The following PITHD1 variants were observed in gnomAD, a reference collection of about 807,000 sequenced individuals.
PITHD1 encodes PITH domain-containing protein 1.
In PITHD1, 8 loss-of-function variants were observed where a neutral mutation model predicts 27.5. The ratio of observed to expected loss-of-function variants is 0.29; its 90% CI spans 0.17 to 0.52. The LOEUF (loss-of-function observed/expected upper bound fraction) is 0.52, where lower values mean the gene tolerates loss of function less well. Ranked by LOEUF, PITHD1 falls within the 20% of genes least tolerant of loss-of-function variation. The pLI, the probability that PITHD1 is intolerant of heterozygous loss-of-function variation, is 0.96. For synonymous variants in PITHD1, 118 were observed against 106.8 expected (o/e 1.10, Z -0.64); for missense variants, 233 against 283.9 (o/e 0.82, Z 1.29).
At position 23,787,395 on chromosome 1, in the gene PITHD1, A is replaced by C. The variant is rs975352400; in HGVS notation, c.*19A>C. 1 of 1,347,046 alleles carries C rather than the reference A, an allele frequency of 7.4e-7. No individual in the cohort carries two copies. The highest frequency in any genetic ancestry group is 1.7e-5 in the Admixed American group (1 of 58,888). The allele number at this position is 1,347,046 out of a possible 1,614,324, so 83.4% of individuals were successfully genotyped here. On this transcript the variant is annotated 3_prime_UTR_variant, in exon 6 of 6. Transcript: ENST00000246151. ...TTCCTAAGGGCTGGCCAAGGCTCCC[A>C]TAGAGGCGCTGTGTCAGTGAAGATG...
At chr1:23,783,383 A>G (rs182057589) in intron 3 of PITHD1, among the ~76,000 whole-genome samples, 19 of 108,790 alleles carry the variant, frequency 1.7e-4, no homozygotes, top group African/African-American at 6.4e-4. Flanking sequence ...ATATATGTGT[A>G]TATATACATA....
chr1:23,779,192 G>A (rs771882657), intron 1 of PITHD1, among the ~76,000 whole-genome samples: 4 of 152,162 alleles, frequency 2.6e-5, no homozygotes, highest in Non-Finnish European at 5.9e-5. Context: ...TCACACTTCA[G>A]AAGGCTCTTC....
intron 1 of PITHD1, 122 bp from the exon 2 acceptor site, chr1:23,779,316 A>G: frequency 1.3e-6 from 1 of 774,384 alleles, no homozygotes; most frequent in East Asian, 2.5e-5. Flanking sequence ...GTCTTGGAAA[A>G]CCAAGGGAGA....
At position 23,778,431 on chromosome 1, in the gene PITHD1, G is replaced by A; in HGVS notation, c.-85G>A. 1 of 979,370 alleles carries A rather than the reference G, an allele frequency of 1.0e-6. No individual in the cohort carries two copies. Among genetic ancestry groups the A allele is most frequent in the Non-Finnish European group, 1.3e-6 (1 of 759,780 alleles). 60.7% of individuals were successfully genotyped at this position (979,370 alleles called of 1,614,324 possible). A position where few individuals can be genotyped will look rare whatever the true frequency, so the allele number is the denominator to read the frequency against. Reference sequence around the variant, plus strand: ...CGCGGCGCGCTTAGTTGCCGGAGCTGAACGGCGCGGAGCTGGTCTGAGGCG... The same window carrying A: ...CGCGGCGCGCTTAGTTGCCGGAGCTAAACGGCGCGGAGCTGGTCTGAGGCG... On this transcript the variant is annotated 5_prime_UTR_variant, in exon 1 of 6. Coordinates refer to ENST00000246151, the MANE Select transcript of PITHD1 (RefSeq NM_020362.5).
chr1:23,781,454 C>G (rs1213970068), intron 3 of PITHD1, among the ~76,000 whole-genome samples: 1 of 123,968 alleles, frequency 8.1e-6, no homozygotes, highest in East Asian at 2.2e-4. Flanking sequence ...CAGAGTGAGA[C>G]TCTGTCTCAA....
intron 2 of PITHD1, 97 bp downstream of exon 2, chr1:23,779,578 C>T (rs1638565696): frequency 1.0e-6 from 1 of 972,390 alleles, no homozygotes; most frequent in East Asian, 2.4e-5. Flanking sequence ...ACATTTGCTT[C>T]TAGAAATGGG....
At position 23,778,445 on chromosome 1, in the gene PITHD1, T is replaced by TGGTCTGAGGCGAGCCGAGCC. The variant is rs1638541638; in HGVS notation, c.-69_-50dup. 2 of 1,055,306 alleles carry TGGTCTGAGGCGAGCCGAGCC rather than the reference T, an allele frequency of 1.9e-6. No individual in the cohort carries two copies. The highest frequency in any genetic ancestry group is 2.4e-6 in the Non-Finnish European group (2 of 828,182). 65.4% of individuals were successfully genotyped at this position (1,055,306 alleles called of 1,614,324 possible). A position where few individuals can be genotyped will look rare whatever the true frequency, so the allele number is the denominator to read the frequency against. On this transcript the variant is annotated 5_prime_UTR_variant, in exon 1 of 6. Transcript: ENST00000246151. Reference sequence around the variant, plus strand: ...TTGCCGGAGCTGAACGGCGCGGAGCTGGTCTGAGGCGAGCCGAGCCGAGCG... The same window carrying TGGTCTGAGGCGAGCCGAGCC: ...TTGCCGGAGCTGAACGGCGCGGAGCTGGTCTGAGGCGAGCCGAGCCGGTCTGAGGCGAGCCGAGCCGAGCG...
In PITHD1 at chr1:23,778,622, A is replaced by G. The variant is rs1638546826; in HGVS notation, c.107A>G (p.Asp36Gly). Reference protein sequence around the residue: ...GLAYGLYLRIDLERLQCLNES... With the variant: ...GLAYGLYLRIGLERLQCLNES... ...GCCTACGGCCTGTACCTGCGCATCGACCTGGAGCGGCTGCAATGCCTTAAC... is the reference window on the plus strand; with the variant it reads ...GCCTACGGCCTGTACCTGCGCATCGGCCTGGAGCGGCTGCAATGCCTTAAC... Residue 36 changes from aspartate (D) to glycine (G), a missense_variant, in exon 1 of 6, where the codon GAC (aspartate) becomes GGC (glycine). Transcript: ENST00000246151. The G allele has an allele frequency of 3.0e-6, 4 of 1,333,072 alleles. No individual in the cohort carries two copies. The South Asian group carries it at 8.1e-5, about 27-fold the overall frequency. 82.6% of individuals were successfully genotyped at this position (1,333,072 alleles called of 1,614,324 possible).
At chr1:23,779,678 G>T in intron 2 of PITHD1, 186 bp from the exon 3 acceptor site, 1 of 654,504 alleles carries the variant, frequency 1.5e-6, no homozygotes, top group South Asian at 1.8e-5. Flanking sequence ...CAATAACTGA[G>T]AAATTGAGGT....
intron 4 of PITHD1, 122 bp from the exon 5 acceptor site, chr1:23,786,193 C>T: frequency 1.8e-6 from 1 of 554,426 alleles, no homozygotes; most frequent in Non-Finnish European, 3.3e-6. Context: ...GAAGGAAGAA[C>T]TCAGGAGCTC....
intron 2 of PITHD1, 57 bp from the exon 3 acceptor site, chr1:23,779,807 C>A: frequency 1.5e-6 from 2 of 1,312,414 alleles, no homozygotes; most frequent in Non-Finnish European, 2.2e-6. Context: ...CAGGGTCACA[C>A]AACTAAACAG....
chr1:23,783,638 A>T (rs1019090064), intron 3 of PITHD1, among the ~76,000 whole-genome samples: 3 of 151,458 alleles, frequency 2.0e-5, no homozygotes, highest in Non-Finnish European at 2.9e-5. Context: ...TATTTTTAGT[A>T]GAGACAGGGT....
chr1:23,783,533 C>A (rs940514958), intron 3 of PITHD1, among the ~76,000 whole-genome samples: 2 of 149,774 alleles, frequency 1.3e-5, no homozygotes, highest in African/African-American at 4.9e-5. Flanking sequence ...CTCACTGCAA[C>A]CTCCGCCTCC....
At chr1:23,782,024 C>A (rs1354858434) in intron 3 of PITHD1, among the ~76,000 whole-genome samples, 1 of 152,120 alleles carries the variant, frequency 6.6e-6, no homozygotes, top group Non-Finnish European at 1.5e-5. Context: ...AGAAAAAATG[C>A]TATTGAACTA....
chr1:23,786,834 T>G (rs112266351), intron 5 of PITHD1, among the ~76,000 whole-genome samples: 1 of 152,006 alleles, frequency 6.6e-6, no homozygotes, highest in Non-Finnish European at 1.5e-5. Flanking sequence ...TCAGGTGATC[T>G]GCCCATCTCA....
chr1:23,783,614 G>T (rs1050061708), intron 3 of PITHD1, among the ~76,000 whole-genome samples: 4 of 151,700 alleles, frequency 2.6e-5, no homozygotes, highest in African/African-American at 4.8e-5. Context: ...ACCAGGCCTG[G>T]CTAATTTTTT....
In PITHD1 at chr1:23,787,388, G is replaced by C; in HGVS notation, c.*12G>C. ...ACTTTATTTCCTAAGGGCTGGCCAAGGCTCCCATAGAGGCGCTGTGTCAGT... is the reference window on the plus strand; with the variant it reads ...ACTTTATTTCCTAAGGGCTGGCCAACGCTCCCATAGAGGCGCTGTGTCAGT... On this transcript the variant is annotated 3_prime_UTR_variant, in exon 6 of 6. Coordinates refer to ENST00000246151, the MANE Select transcript of PITHD1 (RefSeq NM_020362.5). 1 of 1,438,268 alleles carries C rather than the reference G, an allele frequency of 7.0e-7. No homozygotes were observed. Among genetic ancestry groups the C allele is most frequent in the South Asian group, 1.2e-5 (1 of 86,486 alleles). The allele number at this position is 1,438,268 out of a possible 1,614,324, so 89.1% of individuals were successfully genotyped here.
intron 3 of PITHD1, among the ~76,000 whole-genome samples, chr1:23,783,404 TATACAC>T (rs2148401037): frequency 6.9e-6 from 1 of 144,776 alleles, no homozygotes; most frequent in South Asian, 2.2e-4. Flanking sequence ...TATACGCATA[TATACAC>T]ATATATATGC....
At chr1:23,782,349 G>A (rs1638614032) in intron 3 of PITHD1, among the ~76,000 whole-genome samples, 1 of 151,960 alleles carries the variant, frequency 6.6e-6, no homozygotes, top group Non-Finnish European at 1.5e-5. Context: ...AACCCGGGAG[G>A]CGGAGGTTGC....
Sources: allele counts gnomAD v4.1 joint callset (sites outside exome capture counted in the v4.1 genomes callset), GRCh38; gene constraint gnomAD v4.1.1; transcripts MANE v1.5; gene names NCBI Gene and HGNC (gene_info 2026-07-23, HGNC 2026-07-21).